Variants in ATG5 observed in about 807,000 individuals in gnomAD.
ATG5 encodes the protein autophagy related 5.
Under a neutral mutation model 36.5 loss-of-function variants are expected in ATG5, and 14 were observed. The ratio of observed to expected loss-of-function variants is 0.38; its 90% CI spans 0.25 to 0.60. The LOEUF (loss-of-function observed/expected upper bound fraction) is 0.60, where lower values mean the gene tolerates loss of function less well. ATG5 is among the 20% of genes least tolerant of loss of function. The pLI is 0.60. For synonymous variants in ATG5, 95 were observed against 101.5 expected (o/e 0.94, Z 0.38); for missense variants, 195 against 326.7 (o/e 0.60, Z 3.11).
intron 5 of ATG5, among the ~76,000 whole-genome samples, chr6:106,255,785 T>C (rs1253010151): frequency 6.6e-6 from 1 of 152,218 alleles, no homozygotes; most frequent in Non-Finnish European, 1.5e-5. Flanking sequence ...CATTTTCCCT[T>C]CATCCATGAC....
In ATG5 at chr6:106,293,195, C is replaced by T. The variant is rs1039840641; in HGVS notation, c.237-89G>A. 1.6e-5 allele frequency: 16 copies of T among 1,030,164 alleles called. No homozygotes were observed. The Admixed American group carries it at 1.7e-4, about 11-fold the overall frequency. The allele number at this position is 1,030,164 out of a possible 1,614,324, so 63.8% of individuals were successfully genotyped here. Reference sequence around the variant, plus strand: ...TAAATTTCCAACACATATTTTAACACCAAATGTCAGGGGCTTTAATCACAA... The same window carrying T: ...TAAATTTCCAACACATATTTTAACATCAAATGTCAGGGGCTTTAATCACAA... On this transcript the variant is annotated intron_variant, in intron 3 of 7. Transcript: ENST00000369076.
chr6:106,302,294 T>A (rs988451164), intron 3 of ATG5, among the ~76,000 whole-genome samples: 1 of 152,024 alleles, frequency 6.6e-6, no homozygotes, highest in African/African-American at 2.4e-5. Context: ...TTAAAACAAG[T>A]AGCTTAGTAC....
intron 5 of ATG5, among the ~76,000 whole-genome samples, chr6:106,250,810 T>C (rs561709935): frequency 2.0e-5 from 3 of 152,194 alleles, no homozygotes; most frequent in Non-Finnish European, 4.4e-5. Flanking sequence ...AAAAGAAACA[T>C]GATTGTGCCA....
At chr6:106,279,905 G>A in intron 4 of ATG5, 82 bp from the exon 5 acceptor site, 1 of 929,628 alleles carries the variant, frequency 1.1e-6, no homozygotes. Flanking sequence ...ATATCCCCCA[G>A]TTTTTCAATA....
At chr6:106,294,017 T>C in intron 3 of ATG5, among the ~76,000 whole-genome samples, 1 of 152,098 alleles carries the variant, frequency 6.6e-6, no homozygotes, top group Non-Finnish European at 1.5e-5. Context: ...ATTCTTACCA[T>C]TTGAGCATCA....
At chr6:106,280,827 G>T (rs1288466482) in intron 4 of ATG5, among the ~76,000 whole-genome samples, 1 of 152,042 alleles carries the variant, frequency 6.6e-6, no homozygotes, top group East Asian at 1.9e-4. Flanking sequence ...TAGTCATGGG[G>T]CTAGGATTTA....
At position 106,224,614 on chromosome 6, in the gene ATG5, G is replaced by C. The variant is rs1167879070; in HGVS notation, c.574-22525C>G. On this transcript the variant is annotated intron_variant, in intron 6 of 7. Transcript: ENST00000369076. ...AATACGGCCAGGTGCGGTGGCTCATGCCTGTAATCCCAGCACTTTGGGAGG... is the reference window on the plus strand; with the variant it reads ...AATACGGCCAGGTGCGGTGGCTCATCCCTGTAATCCCAGCACTTTGGGAGG... 2.0e-5 allele frequency among the ~76,000 whole-genome samples: 3 copies of C among 152,160 alleles called. No homozygotes were observed. The East Asian group carries it at 5.8e-4, about 29-fold the overall frequency.
chr6:106,289,752 C>T (rs1283404968), intron 4 of ATG5, among the ~76,000 whole-genome samples: 3 of 152,014 alleles, frequency 2.0e-5, no homozygotes, highest in Admixed American at 6.6e-5. Flanking sequence ...CAAAAATCAA[C>T]TATGTTTCCC....
At chr6:106,263,543 C>T (rs1363387543) in intron 5 of ATG5, among the ~76,000 whole-genome samples, 1 of 152,198 alleles carries the variant, frequency 6.6e-6, no homozygotes, top group Non-Finnish European at 1.5e-5. Context: ...GTCTCTGATC[C>T]CCATGCCTCC....
intron 5 of ATG5, among the ~76,000 whole-genome samples, chr6:106,254,359 G>A (rs1769981): frequency 6.6e-6 from 1 of 152,052 alleles, no homozygotes; most frequent in Non-Finnish European, 1.5e-5. Flanking sequence ...CAACCAAAAT[G>A]TAAGTCCCAT....
chr6:106,270,466 A>AT (rs1380613352), intron 5 of ATG5, among the ~76,000 whole-genome samples: 1 of 152,224 alleles, frequency 6.6e-6, no homozygotes, highest in African/African-American at 2.4e-5. Flanking sequence ...TAGCTCAGCT[A>AT]TATGTACAAA....
rs377538270 is a variant in ATG5, at chr6:106,242,200, G to A, written c.573+5950C>T. Reference sequence around the variant, plus strand: ...TCACCATGTTGTCAAGGCTGGTCTCGAACTCCTGGGCTCAAGCAAACCGCC... The same window carrying A: ...TCACCATGTTGTCAAGGCTGGTCTCAAACTCCTGGGCTCAAGCAAACCGCC... On this transcript the variant is annotated intron_variant, in intron 6 of 7. Coordinates refer to ENST00000369076, the MANE Select transcript of ATG5 (RefSeq NM_004849.4). 1.2e-4 allele frequency among the ~76,000 whole-genome samples: 19 copies of A among 152,030 alleles called. No homozygotes were observed. In the East Asian group the frequency reaches 3.5e-3, roughly 28 times the overall value.
intron 6 of ATG5, among the ~76,000 whole-genome samples, chr6:106,235,548 T>C (rs60750215): frequency 0.025 from 3,739 of 152,252 alleles, 64 homozygotes; most frequent in African/African-American, 0.049. Context: ...GCTGGGAAGG[T>C]GACCACATCC....
chr6:106,258,581 T>C (rs189744650), intron 5 of ATG5, among the ~76,000 whole-genome samples: 1 of 152,256 alleles, frequency 6.6e-6, no homozygotes, highest in East Asian at 1.9e-4. Context: ...GCTCTCCTCA[T>C]TGTAGAGAGG....
chr6:106,310,930 T>C (rs1295968425), intron 2 of ATG5, among the ~76,000 whole-genome samples: 1 of 152,242 alleles, frequency 6.6e-6, no homozygotes, highest in Non-Finnish European at 1.5e-5. Context: ...CATTCTCTTA[T>C]TCCTCATTTA....
chr6:106,276,412 CG>C (rs1284155280), intron 5 of ATG5, among the ~76,000 whole-genome samples: 15 of 147,168 alleles, frequency 1.0e-4, no homozygotes, highest in Non-Finnish European at 2.1e-4. Context: ...TGCAGTGAGC[CG>C]AGATCATGCC....
At chr6:106,269,494 C>T (rs1029599067) in intron 5 of ATG5, among the ~76,000 whole-genome samples, 2 of 152,236 alleles carry the variant, frequency 1.3e-5, no homozygotes, top group Non-Finnish European at 2.9e-5. Context: ...CACAGGAGCC[C>T]ATGGAAGGGG....
At chr6:106,314,669 A>C (rs1770772418) in intron 2 of ATG5, among the ~76,000 whole-genome samples, 1 of 152,284 alleles carries the variant, frequency 6.6e-6, no homozygotes, top group South Asian at 2.1e-4. Flanking sequence ...CTTATATACT[A>C]TTACAAAGCC....
intron 1 of ATG5, among the ~76,000 whole-genome samples, chr6:106,323,806 A>C (rs984544370): frequency 2.6e-5 from 4 of 152,098 alleles, no homozygotes; most frequent in African/African-American, 9.7e-5. Flanking sequence ...CTTACTCAAA[A>C]CCCAACTCAT....
Sources: allele counts gnomAD v4.1 joint callset (sites outside exome capture counted in the v4.1 genomes callset), GRCh38; gene constraint gnomAD v4.1.1; transcripts MANE v1.5; gene names NCBI Gene and HGNC (gene_info 2026-07-23, HGNC 2026-07-21).